KAT2B: variants seen among roughly 807,000 people sequenced by gnomAD.
KAT2B encodes the protein histone acetyltransferase KAT2B.
A neutral mutation model predicts 105.9 loss-of-function variants in KAT2B; 36 were observed. That is an observed-to-expected ratio of 0.34 (90% CI 0.26 to 0.45). The LOEUF (loss-of-function observed/expected upper bound fraction) is 0.45. KAT2B is among the 20% of genes least tolerant of loss of function. KAT2B has a pLI of 1.00. For synonymous variants in KAT2B, 397 were observed against 377.9 expected (o/e 1.05, Z -0.59); for missense variants, 820 against 1,021.6 (o/e 0.80, Z 2.69).
intron 13 of KAT2B, among the ~76,000 whole-genome samples, chr3:20,145,019 G>T (rs1699761394): frequency 6.6e-6 from 1 of 151,470 alleles, no homozygotes; most frequent in Admixed American, 6.6e-5. Context: ...CTGGTCTCGA[G>T]CTCCTCACCT....
At chr3:20,080,822 C>A (rs1172094093) in intron 2 of KAT2B, among the ~76,000 whole-genome samples, 1 of 152,114 alleles carries the variant, frequency 6.6e-6, no homozygotes, top group East Asian at 1.9e-4. Context: ...TTTAATATTG[C>A]ATACGTATTG....
chr3:20,062,151 A>T (rs911911390), intron 1 of KAT2B, among the ~76,000 whole-genome samples: 6 of 85,532 alleles, frequency 7.0e-5, no homozygotes, highest in African/African-American at 9.6e-5. Context: ...AATATATAAA[A>T]ATATATAATA....
At chr3:20,092,217 A>ATATTTATT (rs879484829) in intron 2 of KAT2B, among the ~76,000 whole-genome samples, 5 of 79,878 alleles carry the variant, frequency 6.3e-5, no homozygotes, top group African/African-American at 2.9e-4. Flanking sequence ...CTACTTTCAC[A>ATATTTATT]TATTTATTTA....
At position 20,101,358 on chromosome 3, in the gene KAT2B, G is replaced by A. The variant is rs148725281; in HGVS notation, c.741G>A (p.Leu247=). The A allele has an allele frequency of 1.2e-6, 2 of 1,613,886 alleles. No individual in the cohort carries two copies. Among genetic ancestry groups the A allele is most frequent in the African/African-American group, 2.7e-5 (2 of 74,918 alleles). Residue 247 remains leucine (L), a synonymous_variant, in exon 5 of 18, where the codon TTG becomes TTA. Transcript: ENST00000263754. ...PAKERQTIVE[L]AKMFLNRINY... is the part of the protein sequence containing the mutation. The stretch of plus-strand genomic sequence containing the variant: ...AAGAAAGGCAAACAATAGTTGAGTT[G>A]GCAAAAATGTTCCTAAACCGCATCA...
chr3:20,095,454 G>A lies in KAT2B; in HGVS notation c.576+46G>A, dbSNP rs76555635. On this transcript the variant is annotated intron_variant, in intron 3 of 17. Coordinates refer to ENST00000263754, the MANE Select transcript of KAT2B (RefSeq NM_003884.5). Reference sequence around the variant, plus strand: ...AAACATTTTCTCTCATTATTCAAATGTACCCAGTCTCCATATGCCAGGTCG... The same window carrying A: ...AAACATTTTCTCTCATTATTCAAATATACCCAGTCTCCATATGCCAGGTCG... 68 of 1,376,306 alleles carry A rather than the reference G, an allele frequency of 4.9e-5. No homozygotes were observed. In the African/African-American group the frequency reaches 9.3e-4, roughly 19 times the overall value. 85.3% of individuals were successfully genotyped at this position (1,376,306 alleles called of 1,614,324 possible).
At chr3:20,144,031 A>C (rs2125194769) in intron 13 of KAT2B, among the ~76,000 whole-genome samples, 2 of 152,190 alleles carry the variant, frequency 1.3e-5, no homozygotes, top group East Asian at 3.9e-4. Context: ...AAAACAATAA[A>C]TTAAAAAAGA....
intron 6 of KAT2B, among the ~76,000 whole-genome samples, chr3:20,114,105 T>A (rs545012146): frequency 1.2e-4 from 18 of 152,316 alleles, no homozygotes; most frequent in African/African-American, 4.3e-4. Context: ...TTTTTTATTC[T>A]TTTTAAATCA....
chr3:20,097,146 T>C (rs1698825533), intron 3 of KAT2B, among the ~76,000 whole-genome samples: 1 of 152,152 alleles, frequency 6.6e-6, no homozygotes. Flanking sequence ...TGGAAAAAGA[T>C]CTTAGTTGAA....
chr3:20,118,007 G>A (rs2125171036), intron 7 of KAT2B, among the ~76,000 whole-genome samples: 1 of 151,858 alleles, frequency 6.6e-6, no homozygotes, highest in African/African-American at 2.4e-5. Context: ...TATTTTATAT[G>A]CTTTACCTGG....
At chr3:20,093,509 A>G (rs1185921987) in intron 2 of KAT2B, among the ~76,000 whole-genome samples, 1 of 151,930 alleles carries the variant, frequency 6.6e-6, no homozygotes, top group African/African-American at 2.4e-5. Flanking sequence ...AGGAGGGGGG[A>G]TATATAGGTG....
At chr3:20,151,015 T>A (rs547591339) in intron 17 of KAT2B, among the ~76,000 whole-genome samples, 1 of 152,358 alleles carries the variant, frequency 6.6e-6, no homozygotes, top group Admixed American at 6.5e-5. Context: ...CCAATTTCAT[T>A]GTTTTTTTCT....
At chr3:20,101,196 C>T in intron 4 of KAT2B, 91 bp from the exon 5 acceptor site, 1 of 996,414 alleles carries the variant, frequency 1.0e-6, no homozygotes, top group East Asian at 2.5e-5. Flanking sequence ...TGTTATTTTG[C>T]TAATAACCAC....
intron 12 of KAT2B, 98 bp downstream of exon 12, chr3:20,137,150 A>G: frequency 1.5e-6 from 1 of 660,200 alleles, no homozygotes. Context: ...AGTGTTTTCT[A>G]CTTATAAGAA....
chr3:20,137,624 C>T (rs1217647649), intron 12 of KAT2B: 1 of 154,608 alleles, frequency 6.5e-6, no homozygotes, highest in Non-Finnish European at 1.5e-5. Context: ...GCAGCCTTGA[C>T]CTCCTGGGCT....
rs536144728 is a variant in KAT2B, at chr3:20,153,820, A to G, written c.*1295A>G. The G allele has an allele frequency of 1.3e-5, 2 of 152,590 alleles. No homozygotes were observed. The highest frequency in any genetic ancestry group is 6.5e-5 in the Admixed American group (1 of 15,282). The allele number at this position is 152,590 out of a possible 1,614,324, so 9.5% of individuals were successfully genotyped here. ...TTTTTGTAAAGGACAAAGTTTTAAAAGCGTATTTAACTTGATGTTTTCTAT... is the reference window on the plus strand; with the variant it reads ...TTTTTGTAAAGGACAAAGTTTTAAAGGCGTATTTAACTTGATGTTTTCTAT... On this transcript the variant is annotated 3_prime_UTR_variant, in exon 18 of 18. Coordinates refer to ENST00000263754, the MANE Select transcript of KAT2B (RefSeq NM_003884.5).
intron 11 of KAT2B, among the ~76,000 whole-genome samples, chr3:20,127,972 G>A (rs971591923): frequency 1.3e-5 from 2 of 152,160 alleles, no homozygotes; most frequent in Admixed American, 1.3e-4. Flanking sequence ...CTCGTGCTGT[G>A]CAGCCCGGTC....
intron 2 of KAT2B, 83 bp downstream of exon 2, chr3:20,072,542 C>T: frequency 7.4e-7 from 1 of 1,342,678 alleles, no homozygotes; most frequent in East Asian, 2.3e-5. Flanking sequence ...GTGGGTTCAC[C>T]AAATTTGAAT....
chr3:20,061,155 A>G (rs769729991), intron 1 of KAT2B, among the ~76,000 whole-genome samples: 3 of 151,966 alleles, frequency 2.0e-5, no homozygotes, highest in African/African-American at 7.2e-5. Flanking sequence ...CCTTCCTCCA[A>G]CCCCTCGGCA....
chr3:20,152,003 G>A (rs528370030), intron 17 of KAT2B, among the ~76,000 whole-genome samples: 2 of 152,080 alleles, frequency 1.3e-5, no homozygotes, highest in African/African-American at 4.8e-5. Context: ...AATTCTGACT[G>A]AATAGCTAAC....
Sources: allele counts gnomAD v4.1 joint callset (sites outside exome capture counted in the v4.1 genomes callset), GRCh38; gene constraint gnomAD v4.1.1; transcripts MANE v1.5; gene names NCBI Gene and HGNC (gene_info 2026-07-23, HGNC 2026-07-21).